Variants in MAF observed in about 807,000 individuals in gnomAD.
MAF encodes the protein MAF bZIP transcription factor.
In MAF, 10 loss-of-function variants were observed where a neutral mutation model predicts 22.0. That is an observed-to-expected ratio of 0.45 (90% CI 0.28 to 0.77). The LOEUF (loss-of-function observed/expected upper bound fraction) is 0.77, where lower values mean the gene tolerates loss of function less well. Among genes scored for constraint, MAF ranks in the 30% least tolerant of loss-of-function variants. The pLI is 0.12. For synonymous variants in MAF, 337 were observed against 255.8 expected, an observed-to-expected ratio of 1.32 and a Z score of -3.03; for missense variants, 544 against 548.4, an observed-to-expected ratio of 0.99 and a Z score of 0.08.
the MAF span, among the ~76,000 whole-genome samples, chr16:79,473,762 G>A: frequency 6.6e-5 from 10 of 152,130 alleles, no homozygotes; most frequent in East Asian, 9.6e-4. Flanking sequence ...AAGCTCTGCC[G>A]ACTGAAATGG....
chr16:79,550,909 C>T, the MAF span, among the ~76,000 whole-genome samples: 94 of 152,276 alleles, frequency 6.2e-4, no homozygotes, highest in African/African-American at 2.0e-3. Context: ...GAGCTCTCCC[C>T]CAGAACCACA....
the MAF span, among the ~76,000 whole-genome samples, chr16:79,557,261 C>T: frequency 6.6e-6 from 1 of 151,864 alleles, no homozygotes; most frequent in Non-Finnish European, 1.5e-5. Flanking sequence ...AAGGTAATTT[C>T]CCGAAGTTTC....
At chr16:79,317,324 G>A in the MAF span, among the ~76,000 whole-genome samples, 1 of 118,652 alleles carries the variant, frequency 8.4e-6, no homozygotes, top group Non-Finnish European at 1.6e-5. Flanking sequence ...TCATTCTTTT[G>A]TTTTATTTTC....
chr16:79,543,138 A>G, the MAF span, among the ~76,000 whole-genome samples: 7 of 152,248 alleles, frequency 4.6e-5, no homozygotes, highest in Admixed American at 1.3e-4. Flanking sequence ...TCGTGGTAAC[A>G]TCATGAAGAG....
chr16:79,229,738 C>A, the MAF span, among the ~76,000 whole-genome samples: 1 of 152,008 alleles, frequency 6.6e-6, no homozygotes, highest in East Asian at 1.9e-4. Context: ...AAAGCGCCTG[C>A]TGAAAATACT....
the MAF span, among the ~76,000 whole-genome samples, chr16:79,563,569 A>G: frequency 6.6e-6 from 1 of 151,988 alleles, no homozygotes; most frequent in Non-Finnish European, 1.5e-5. Flanking sequence ...GTATGCATTG[A>G]TATCATAATA....
At chr16:79,307,477 A>C in the MAF span, among the ~76,000 whole-genome samples, 1 of 152,238 alleles carries the variant, frequency 6.6e-6, no homozygotes, top group Non-Finnish European at 1.5e-5. Context: ...GGACGCTTGC[A>C]GTTCATGTGC....
At chr16:79,208,631 A>ATTTT in the MAF span, among the ~76,000 whole-genome samples, 552 of 151,132 alleles carry the variant, frequency 3.7e-3, 2 homozygotes, top group Non-Finnish European at 4.9e-3. Context: ...TGCTCTTTAA[A>ATTTT]TTTTTTTTTT....
the MAF span, among the ~76,000 whole-genome samples, chr16:79,565,519 C>A: frequency 2.6e-5 from 4 of 151,828 alleles, no homozygotes; most frequent in Non-Finnish European, 4.4e-5. Flanking sequence ...GGGGGGGGAC[C>A]AGTTGGGAGG....
At chr16:79,298,870 C>T in the MAF span, among the ~76,000 whole-genome samples, 351 of 152,342 alleles carry the variant, frequency 2.3e-3, 1 homozygote, top group East Asian at 0.035. Context: ...ACTGTACCAT[C>T]GCCCAGCAAG....
the MAF span, among the ~76,000 whole-genome samples, chr16:79,236,917 C>T: frequency 6.7e-6 from 1 of 148,654 alleles, no homozygotes; most frequent in East Asian, 2.0e-4. Context: ...TCTACTTGAC[C>T]TCATTTCAAC....
At chr16:79,430,939 T>C in the MAF span, among the ~76,000 whole-genome samples, 1 of 152,216 alleles carries the variant, frequency 6.6e-6, no homozygotes, top group Non-Finnish European at 1.5e-5. Flanking sequence ...CAGTGGGGAA[T>C]TCTTCCTGGG....
At chr16:79,455,328 C>G in the MAF span, among the ~76,000 whole-genome samples, 1 of 152,172 alleles carries the variant, frequency 6.6e-6, no homozygotes, top group South Asian at 2.1e-4. Flanking sequence ...ATAAATGGCC[C>G]TTTAAAAACG....
At chr16:79,324,984 A>T in the MAF span, among the ~76,000 whole-genome samples, 1 of 151,908 alleles carries the variant, frequency 6.6e-6, no homozygotes, top group Non-Finnish European at 1.5e-5. Context: ...ACGTGCTCCA[A>T]TCTCTGCCTC....
chr16:79,588,426 C>A (rs2143713337), intron 1 of MAF, among the ~76,000 whole-genome samples: 1 of 152,102 alleles, frequency 6.6e-6, no homozygotes, highest in Non-Finnish European at 1.5e-5. Flanking sequence ...AGATTTTTCT[C>A]TTTTCTTTCT....
At chr16:79,587,126 C>T (rs11858998) in intron 1 of MAF, among the ~76,000 whole-genome samples, 4 of 152,172 alleles carry the variant, frequency 2.6e-5, no homozygotes, top group Non-Finnish European at 4.4e-5. Context: ...ACTATGCCCA[C>T]AGCACTCGGA....
the MAF span, among the ~76,000 whole-genome samples, chr16:79,407,919 G>T: frequency 2.6e-5 from 4 of 151,586 alleles, no homozygotes; most frequent in South Asian, 4.2e-4. Context: ...GACAAGGAAA[G>T]GGGCGGGTTA....
chr16:79,402,657 C>G, the MAF span, among the ~76,000 whole-genome samples: 2 of 152,188 alleles, frequency 1.3e-5, no homozygotes, highest in African/African-American at 2.4e-5. Flanking sequence ...GCCAGGGGTG[C>G]GGTTGGATAA....
chr16:79,300,002 C>T, the MAF span, among the ~76,000 whole-genome samples: 3 of 152,208 alleles, frequency 2.0e-5, no homozygotes, highest in East Asian at 5.8e-4. Context: ...AGTGATTGTG[C>T]AGGCTAGGGA....
Sources: gnomAD v4.1 joint callset for allele counts (sites outside exome capture counted in the v4.1 genomes callset) on GRCh38, gnomAD v4.1.1 for gene constraint, MANE v1.5 for transcripts, NCBI Gene and HGNC (gene_info 2026-07-23, HGNC 2026-07-21) for gene names.